The following GPC6 variants were observed in gnomAD, a reference collection of about 807,000 sequenced individuals.
GPC6 encodes the protein glypican 6.
In GPC6, 14 loss-of-function variants were observed where a neutral mutation model predicts 55.2. The observed-to-expected ratio is 0.25, with a 90% CI of 0.17 to 0.40. GPC6 has a LOEUF of 0.40. Ranked by LOEUF, GPC6 falls within the 10% of genes least tolerant of loss-of-function variation. The pLI, the probability that GPC6 is intolerant of heterozygous loss-of-function variation, is 1.00. For missense variants in GPC6, 641 were observed against 708.5 expected, an observed-to-expected ratio of 0.90 and a Z score of 1.08; for synonymous variants, 278 against 259.6, an observed-to-expected ratio of 1.07 and a Z score of -0.68.
intron 6 of GPC6, among the ~76,000 whole-genome samples, chr13:94,378,327 G>C (rs1879996152): frequency 6.6e-6 from 1 of 152,082 alleles, no homozygotes; most frequent in African/African-American, 2.4e-5. Context: ...AACTTGATGG[G>C]ATTCAGGTGA....
chr13:94,061,654 A>T (rs1025223824), intron 4 of GPC6, among the ~76,000 whole-genome samples: 3 of 151,960 alleles, frequency 2.0e-5, no homozygotes, highest in Non-Finnish European at 4.4e-5. Flanking sequence ...GATTTTGCAG[A>T]ATCTTGACTC....
chr13:94,192,978 C>T (rs374443818), intron 4 of GPC6, among the ~76,000 whole-genome samples: 10 of 151,842 alleles, frequency 6.6e-5, no homozygotes, highest in African/African-American at 2.4e-4. Flanking sequence ...AAAATGAAGC[C>T]TTATTTTTGG....
chr13:93,365,052 A>T (rs904036302), intron 1 of GPC6, among the ~76,000 whole-genome samples: 2 of 151,680 alleles, frequency 1.3e-5, no homozygotes, highest in Admixed American at 1.3e-4. Flanking sequence ...TTTTCTTTCT[A>T]CCTCCACATC....
intron 2 of GPC6, among the ~76,000 whole-genome samples, chr13:93,825,436 C>T (rs1009850019): frequency 2.0e-5 from 3 of 152,208 alleles, no homozygotes; most frequent in African/African-American, 7.2e-5. Context: ...GACACCGCCT[C>T]ATGTGGCAAG....
At chr13:93,544,279 C>G (rs1251512259) in intron 1 of GPC6, among the ~76,000 whole-genome samples, 1 of 152,174 alleles carries the variant, frequency 6.6e-6, no homozygotes, top group African/African-American at 2.4e-5. Context: ...ACAACCTATA[C>G]TTCACACAAG....
intron 2 of GPC6, among the ~76,000 whole-genome samples, chr13:93,550,739 T>C (rs1875105204): frequency 6.6e-6 from 1 of 152,068 alleles, no homozygotes; most frequent in Admixed American, 6.6e-5. Flanking sequence ...CCTAAATAGG[T>C]TTCCATATGG....
intron 1 of GPC6, among the ~76,000 whole-genome samples, chr13:93,445,105 G>C (rs1029075851): frequency 2.6e-5 from 4 of 152,154 alleles, no homozygotes; most frequent in Non-Finnish European, 5.9e-5. Context: ...AGTCCTAAAT[G>C]TTATTTCAGT....
chr13:93,978,348 AG>A (rs1170380848), intron 3 of GPC6, among the ~76,000 whole-genome samples: 4 of 152,184 alleles, frequency 2.6e-5, no homozygotes, highest in African/African-American at 9.7e-5. Flanking sequence ...AAAAATGAAT[AG>A]CCGAGGTTTT....
intron 3 of GPC6, among the ~76,000 whole-genome samples, chr13:93,986,655 A>G (rs1005373834): frequency 2.0e-5 from 3 of 152,154 alleles, no homozygotes; most frequent in African/African-American, 7.2e-5. Flanking sequence ...TAATATTGGA[A>G]CCAATGAATT....
At chr13:94,041,275 G>A (rs1883522475) in intron 4 of GPC6, among the ~76,000 whole-genome samples, 1 of 151,750 alleles carries the variant, frequency 6.6e-6, no homozygotes, top group South Asian at 2.1e-4. Context: ...ATTCAGCAGA[G>A]GAATAGCCAC....
At chr13:93,901,747 A>T (rs995131601) in intron 3 of GPC6, among the ~76,000 whole-genome samples, 3 of 151,956 alleles carry the variant, frequency 2.0e-5, no homozygotes, top group Non-Finnish European at 1.5e-5. Flanking sequence ...CTAAAAATAC[A>T]AAAAGTAGCC....
At chr13:94,267,438 AATAG>A (rs1891853697) in intron 4 of GPC6, among the ~76,000 whole-genome samples, 1 of 152,148 alleles carries the variant, frequency 6.6e-6, no homozygotes, top group Non-Finnish European at 1.5e-5. Flanking sequence ...TGTGAAGGAA[AATAG>A]ATGGATGTAT....
intron 2 of GPC6, among the ~76,000 whole-genome samples, chr13:93,630,269 A>G (rs1352587434): frequency 1.3e-5 from 2 of 152,160 alleles, no homozygotes; most frequent in Admixed American, 6.6e-5. Context: ...TCATGGAGTC[A>G]GCGTTATATA....
At chr13:94,301,316 G>A (rs184108511) in intron 5 of GPC6, among the ~76,000 whole-genome samples, 3 of 152,292 alleles carry the variant, frequency 2.0e-5, no homozygotes, top group East Asian at 3.9e-4. Context: ...AGGATAGCCT[G>A]AGCCCAGGAG....
At chr13:93,314,754 T>TGTGTGTGTGCGCGC (rs1555290021) in intron 1 of GPC6, among the ~76,000 whole-genome samples, 7 of 149,400 alleles carry the variant, frequency 4.7e-5, no homozygotes, top group African/African-American at 1.7e-4. Flanking sequence ...TGTGTGTGTG[T>TGTGTGTGTGCGCGC]GTGCACGCAT....
chr13:94,093,159 T>G (rs1435983197), intron 4 of GPC6, among the ~76,000 whole-genome samples: 1 of 152,142 alleles, frequency 6.6e-6, no homozygotes, highest in Non-Finnish European at 1.5e-5. Context: ...TTCCTCATCT[T>G]TTGGTGTCAT....
intron 4 of GPC6, among the ~76,000 whole-genome samples, chr13:94,223,556 G>T (rs1890451223): frequency 6.6e-6 from 1 of 152,098 alleles, no homozygotes; most frequent in African/African-American, 2.4e-5. Context: ...TTGCTATTCT[G>T]CCAAGATGTT....
chr13:94,321,380 T>C (rs961193782), intron 6 of GPC6, among the ~76,000 whole-genome samples: 1 of 152,216 alleles, frequency 6.6e-6, no homozygotes, highest in Non-Finnish European at 1.5e-5. Flanking sequence ...TGAACATACA[T>C]GTACATGTGT....
intron 1 of GPC6, among the ~76,000 whole-genome samples, chr13:93,296,849 G>A (rs915809495): frequency 6.6e-6 from 1 of 152,210 alleles, no homozygotes; most frequent in African/African-American, 2.4e-5. Flanking sequence ...CAGGTACGAG[G>A]TGGAGGTGGA....
Sources: gnomAD v4.1 joint callset for allele counts (sites outside exome capture counted in the v4.1 genomes callset) on GRCh38, gnomAD v4.1.1 for gene constraint, MANE v1.5 for transcripts, NCBI Gene and HGNC (gene_info 2026-07-23, HGNC 2026-07-21) for gene names.